Variants in HS6ST3 observed in about 807,000 individuals in gnomAD.
The protein encoded by HS6ST3 is heparan-sulfate 6-O-sulfotransferase 3.
A neutral mutation model predicts 36.7 loss-of-function variants in HS6ST3; 12 were observed. That is an observed-to-expected ratio of 0.33 (90% CI 0.21 to 0.53). The LOEUF (loss-of-function observed/expected upper bound fraction) is 0.53. Ranked by LOEUF, HS6ST3 falls within the 20% of genes least tolerant of loss-of-function variation. The pLI is 0.95. For missense variants in HS6ST3, 584 were observed against 640.9 expected (o/e 0.91, Z 0.96); for synonymous variants, 240 against 257.5 (o/e 0.93, Z 0.65).
chr13:96,282,629 A>G (rs1056302065), intron 1 of HS6ST3, among the ~76,000 whole-genome samples: 13 of 152,190 alleles, frequency 8.5e-5, no homozygotes, highest in Admixed American at 7.9e-4. Flanking sequence ...TTCTAAATAC[A>G]ATATTTAGTT....
chr13:96,766,728 C>T (rs1158905206), intron 1 of HS6ST3, among the ~76,000 whole-genome samples: 1 of 152,162 alleles, frequency 6.6e-6, no homozygotes, highest in Non-Finnish European at 1.5e-5. Flanking sequence ...AAATAATACG[C>T]TCTTTGTCAC....
chr13:96,330,249 C>T (rs1286945241), intron 1 of HS6ST3, among the ~76,000 whole-genome samples: 6 of 151,378 alleles, frequency 4.0e-5, no homozygotes, highest in Non-Finnish European at 7.4e-5. Context: ...TGATTTTGCT[C>T]GTTAGTTGAT....
At chr13:96,405,088 T>G (rs1440157044) in intron 1 of HS6ST3, among the ~76,000 whole-genome samples, 1 of 152,176 alleles carries the variant, frequency 6.6e-6, no homozygotes, top group Admixed American at 6.5e-5. Flanking sequence ...GAGCTGTGAG[T>G]CCAATTAAAC....
chr13:96,187,721 G>A (rs1024623690), intron 1 of HS6ST3, among the ~76,000 whole-genome samples: 2 of 152,180 alleles, frequency 1.3e-5, no homozygotes, highest in Admixed American at 1.3e-4. Context: ...GACTCGACAC[G>A]AGGAACCACC....
intron 1 of HS6ST3, among the ~76,000 whole-genome samples, chr13:96,752,108 T>G (rs1165785747): frequency 6.6e-6 from 1 of 152,168 alleles, no homozygotes; most frequent in Non-Finnish European, 1.5e-5. Context: ...TGCATATGTT[T>G]CCTGAAGTAC....
chr13:96,331,984 G>A (rs1212615756), intron 1 of HS6ST3, among the ~76,000 whole-genome samples: 1 of 152,186 alleles, frequency 6.6e-6, no homozygotes, highest in African/African-American at 2.4e-5. Flanking sequence ...CTCGGAAAGG[G>A]AACTCCCTGA....
chr13:96,797,988 C>T (rs1232883764), intron 1 of HS6ST3, among the ~76,000 whole-genome samples: 3 of 152,048 alleles, frequency 2.0e-5, no homozygotes, highest in Middle Eastern at 3.2e-3. Context: ...TGATGCAATT[C>T]ACAAGCCCAC....
At chr13:96,693,930 C>T (rs1875048789) in intron 1 of HS6ST3, among the ~76,000 whole-genome samples, 1 of 152,162 alleles carries the variant, frequency 6.6e-6, no homozygotes, top group Non-Finnish European at 1.5e-5. Flanking sequence ...AGACCTAAAA[C>T]TTCAAAGGCA....
In HS6ST3 at chr13:96,575,448, T is replaced by C. The variant is rs146544237; in HGVS notation, c.708-257042T>C. Among the ~76,000 whole-genome samples, 399 of 152,188 alleles carry C rather than the reference T, an allele frequency of 2.6e-3. 1 individual carries two copies. Among genetic ancestry groups the C allele is most frequent in the African/African-American group, 9.1e-3 (379 of 41,520 alleles). ...TTTAGGAGGACACATCATAGGAGAG[T>C]GAGCATGCAGGGTCTCTGAGCTGGT... On this transcript the variant is annotated intron_variant, in intron 1 of 1. Transcript: ENST00000376705.
At chr13:96,210,348 C>G (rs1222941911) in intron 1 of HS6ST3, among the ~76,000 whole-genome samples, 3 of 152,164 alleles carry the variant, frequency 2.0e-5, no homozygotes, top group Admixed American at 1.3e-4. Context: ...TCCTGAGAAC[C>G]TTCCTTGGAA....
At chr13:96,334,362 C>T (rs2055088865) in intron 1 of HS6ST3, among the ~76,000 whole-genome samples, 1 of 152,112 alleles carries the variant, frequency 6.6e-6, no homozygotes, top group Non-Finnish European at 1.5e-5. Context: ...TCACCTTCCA[C>T]CATGAGTGAA....
chr13:96,551,618 G>A (rs1343674484), intron 1 of HS6ST3, among the ~76,000 whole-genome samples: 1 of 152,170 alleles, frequency 6.6e-6, no homozygotes, highest in East Asian at 1.9e-4. Context: ...ATACTCAAGA[G>A]AGCATTGTAT....
At chr13:96,410,738 A>G (rs2055503496) in intron 1 of HS6ST3, among the ~76,000 whole-genome samples, 1 of 152,242 alleles carries the variant, frequency 6.6e-6, no homozygotes. Context: ...TATTTTAAAT[A>G]AACAATACTT....
At chr13:96,232,416 G>T (rs888683846) in intron 1 of HS6ST3, among the ~76,000 whole-genome samples, 3 of 152,184 alleles carry the variant, frequency 2.0e-5, no homozygotes, top group African/African-American at 7.2e-5. Context: ...TCCTACAAAG[G>T]TAGGAGAGTA....
At chr13:96,793,106 C>G (rs1430822726) in intron 1 of HS6ST3, among the ~76,000 whole-genome samples, 1 of 152,024 alleles carries the variant, frequency 6.6e-6, no homozygotes, top group Admixed American at 6.6e-5. Context: ...CGCCAGCATA[C>G]CCTCATAGCC....
At chr13:96,426,888 C>G (rs937549557) in intron 1 of HS6ST3, among the ~76,000 whole-genome samples, 89 of 152,226 alleles carry the variant, frequency 5.8e-4, no homozygotes, top group African/African-American at 1.8e-3. Context: ...CTATCTTTTG[C>G]AAGGGTTTTA....
intron 1 of HS6ST3, among the ~76,000 whole-genome samples, chr13:96,582,346 A>G (rs952007378): frequency 1.3e-5 from 2 of 152,202 alleles, no homozygotes; most frequent in African/African-American, 4.8e-5. Flanking sequence ...ACAAAAGTGG[A>G]TCTGTGGAAA....
intron 1 of HS6ST3, among the ~76,000 whole-genome samples, chr13:96,237,110 C>T (rs970127237): frequency 6.6e-6 from 1 of 152,160 alleles, no homozygotes; most frequent in African/African-American, 2.4e-5. Flanking sequence ...GGGAACCCCA[C>T]CCATGATTCA....
At chr13:96,423,780 G>T (rs1010946760) in intron 1 of HS6ST3, among the ~76,000 whole-genome samples, 9 of 152,032 alleles carry the variant, frequency 5.9e-5, no homozygotes, top group Non-Finnish European at 1.2e-4. Flanking sequence ...GTTTTAGAGG[G>T]ATCAGTCTGG....
Sources: gnomAD v4.1 joint callset for allele counts (sites outside exome capture counted in the v4.1 genomes callset) on GRCh38, gnomAD v4.1.1 for gene constraint, MANE v1.5 for transcripts, NCBI Gene and HGNC (gene_info 2026-07-23, HGNC 2026-07-21) for gene names.